The following SNTG1 variants were observed in gnomAD, a reference collection of about 807,000 sequenced individuals.
SNTG1 encodes the protein gamma-1-syntrophin.
A neutral mutation model predicts 74.7 loss-of-function variants in SNTG1; 39 were observed. That is an observed-to-expected ratio of 0.52 (90% CI 0.40 to 0.68). The LOEUF is 0.68. Among genes scored for constraint, SNTG1 ranks in the 30% least tolerant of loss-of-function variants. The pLI is 0.00. For missense variants in SNTG1, 685 were observed against 609.5 expected, an observed-to-expected ratio of 1.12 and a Z score of -1.30; for synonymous variants, 254 against 217.1, an observed-to-expected ratio of 1.17 and a Z score of -1.49.
chr8:50,272,687 T>C (rs533276651), intron 2 of SNTG1, among the ~76,000 whole-genome samples: 2 of 152,312 alleles, frequency 1.3e-5, no homozygotes, highest in African/African-American at 4.8e-5. Flanking sequence ...CCTTGATTTG[T>C]ATCATGTACA....
intron 17 of SNTG1, among the ~76,000 whole-genome samples, chr8:50,743,195 AC>A (rs1286072271): frequency 6.6e-6 from 1 of 151,946 alleles, no homozygotes; most frequent in Non-Finnish European, 1.5e-5. Context: ...AGAAGATGCT[AC>A]AAGAAAAGAA....
intron 2 of SNTG1, among the ~76,000 whole-genome samples, chr8:50,291,950 A>C (rs1232363330): frequency 6.6e-6 from 1 of 152,052 alleles, no homozygotes; most frequent in Non-Finnish European, 1.5e-5. Context: ...ATTTATTGAA[A>C]TGGAGGGAAG....
intron 1 of SNTG1, among the ~76,000 whole-genome samples, chr8:50,071,194 A>G (rs986870148): frequency 6.6e-6 from 1 of 152,088 alleles, no homozygotes; most frequent in South Asian, 2.1e-4. Context: ...TCACATATAC[A>G]TGAACTTATT....
At chr8:50,096,501 T>C (rs1402122099) in intron 1 of SNTG1, among the ~76,000 whole-genome samples, 3 of 152,224 alleles carry the variant, frequency 2.0e-5, no homozygotes, top group Non-Finnish European at 4.4e-5. Flanking sequence ...AAGGCTTTCC[T>C]TGAGTTCACA....
At chr8:50,737,421 C>G (rs1291872000) in intron 17 of SNTG1, among the ~76,000 whole-genome samples, 3 of 152,030 alleles carry the variant, frequency 2.0e-5, no homozygotes, top group Non-Finnish European at 4.4e-5. Flanking sequence ...TAATTAATAA[C>G]CTACCAACCA....
At chr8:50,583,394 C>CAAAAAAAAAAAAAAA (rs58794829) in intron 12 of SNTG1, among the ~76,000 whole-genome samples, 2 of 82,426 alleles carry the variant, frequency 2.4e-5, no homozygotes, top group African/African-American at 5.4e-5. Flanking sequence ...GAGTGAGACT[C>CAAAAAAAAAAAAAAA]AAAAAAAAAA....
At chr8:50,770,975 A>T (rs545606598) in intron 18 of SNTG1, among the ~76,000 whole-genome samples, 33 of 152,198 alleles carry the variant, frequency 2.2e-4, no homozygotes, top group African/African-American at 7.7e-4. Flanking sequence ...CCATAATCAG[A>T]GCCAAATAAA....
chr8:50,249,635 C>T (rs1475383908), intron 2 of SNTG1, among the ~76,000 whole-genome samples: 2 of 152,108 alleles, frequency 1.3e-5, no homozygotes, highest in South Asian at 2.1e-4. Context: ...ATGACTAGTC[C>T]ACCACCCTTG....
rs147534268 is a variant in SNTG1, at chr8:50,451,886, A to G, written c.363+1157A>G. On this transcript the variant is annotated intron_variant, in intron 8 of 18. Coordinates refer to ENST00000642720, the MANE Select transcript of SNTG1 (RefSeq NM_018967.5). ...CTCACTGATTTCTGTATCAGCTCCT[A>G]TGGGAAAGAGTAGAGGATAAATCGT... 1.5e-3 allele frequency among the ~76,000 whole-genome samples: 235 copies of G among 152,308 alleles called. 2 individuals carry two copies. Among genetic ancestry groups the G allele is most frequent in the Middle Eastern group, 0.01 (3 of 294 alleles).
At chr8:50,500,092 T>C (rs1418358176) in intron 8 of SNTG1, among the ~76,000 whole-genome samples, 1 of 152,092 alleles carries the variant, frequency 6.6e-6, no homozygotes, top group African/African-American at 2.4e-5. Context: ...TGTGGGCTCA[T>C]GTCTGTCATC....
intron 2 of SNTG1, among the ~76,000 whole-genome samples, chr8:50,191,458 A>C (rs1366054463): frequency 1.3e-5 from 2 of 152,152 alleles, no homozygotes; most frequent in Non-Finnish European, 1.5e-5. Flanking sequence ...CACTACTGGA[A>C]ATAGTTCGGC....
At chr8:50,596,298 A>C (rs977442362) in intron 13 of SNTG1, among the ~76,000 whole-genome samples, 4 of 151,948 alleles carry the variant, frequency 2.6e-5, no homozygotes, top group African/African-American at 9.7e-5. Context: ...GAATTTTTTA[A>C]ATTTGATGAA....
intron 2 of SNTG1, among the ~76,000 whole-genome samples, chr8:50,283,172 C>T (rs553349263): frequency 9.2e-5 from 14 of 152,274 alleles, no homozygotes; most frequent in Admixed American, 3.3e-4. Context: ...TACAATCATC[C>T]TCATCAGTTA....
intron 17 of SNTG1, among the ~76,000 whole-genome samples, chr8:50,746,955 T>C (rs2095556468): frequency 6.6e-6 from 1 of 150,756 alleles, no homozygotes; most frequent in Non-Finnish European, 1.5e-5. Flanking sequence ...TGTCATTATG[T>C]AGTCAAACAA....
rs1249126732 is a variant in SNTG1, at chr8:50,120,630, A to G, written c.-102-51931A>G. 5.7e-5 allele frequency among the ~76,000 whole-genome samples: 8 copies of G among 140,814 alleles called. 1 individual carries two copies. Among genetic ancestry groups the G allele is most frequent in the Admixed American group, 3.7e-4 (5 of 13,644 alleles). 92.4% of individuals were successfully genotyped at this position (140,814 alleles called of 152,430 possible). On this transcript the variant is annotated intron_variant, in intron 1 of 18. Transcript: ENST00000642720. The stretch of plus-strand genomic sequence containing the variant: ...TTACTGCCATCTTTATACTACCATC[A>G]CCTCTGTCACTACCAACCTCACCAC...
intron 2 of SNTG1, among the ~76,000 whole-genome samples, chr8:50,393,395 A>T (rs1196627784): frequency 1.3e-5 from 2 of 152,192 alleles, no homozygotes; most frequent in African/African-American, 4.8e-5. Context: ...TTTGAGGAGT[A>T]CAAAGTCTTC....
At chr8:50,238,885 T>A (rs778100976) in intron 2 of SNTG1, among the ~76,000 whole-genome samples, 1 of 152,034 alleles carries the variant, frequency 6.6e-6, no homozygotes, top group Non-Finnish European at 1.5e-5. Flanking sequence ...AACAAGCATA[T>A]AAAAAATGCT....
intron 18 of SNTG1, among the ~76,000 whole-genome samples, chr8:50,787,962 A>G (rs949213792): frequency 6.6e-6 from 1 of 152,044 alleles, no homozygotes. Flanking sequence ...GTTTACTTGC[A>G]TGCTTTAAAC....
At chr8:49,930,987 C>T (rs1407327579) in intron 1 of SNTG1, among the ~76,000 whole-genome samples, 1 of 152,030 alleles carries the variant, frequency 6.6e-6, no homozygotes, top group African/African-American at 2.4e-5. Context: ...AAAAAGTAAG[C>T]CTACCTAAAG....
Sources: gnomAD v4.1 joint callset for allele counts (sites outside exome capture counted in the v4.1 genomes callset) on GRCh38, gnomAD v4.1.1 for gene constraint, MANE v1.5 for transcripts, NCBI Gene and HGNC (gene_info 2026-07-23, HGNC 2026-07-21) for gene names.